Variants in PREB observed in about 807,000 individuals in gnomAD.
The protein encoded by PREB is guanine nucleotide-exchange factor SEC12.
Under a neutral mutation model 46.7 loss-of-function variants are expected in PREB, and 29 were observed. That is an observed-to-expected ratio of 0.62 (90% confidence interval 0.46 to 0.85). PREB has a LOEUF of 0.85. Ranked by LOEUF, PREB falls within the 40% of genes least tolerant of loss-of-function variation. The pLI, the probability that PREB is intolerant of heterozygous loss-of-function variation, is 0.00. For synonymous variants in PREB, 224 were observed against 220.1 expected (o/e 1.02, Z -0.16); for missense variants, 494 against 528.4 (o/e 0.93, Z 0.64).
In PREB at chr2:27,133,346, C is replaced by T; in HGVS notation, c.326-9G>A. The T allele has an allele frequency of 6.2e-7, 1 of 1,613,942 alleles. No individual in the cohort carries two copies. Among genetic ancestry groups the T allele is most frequent in the Admixed American group, 1.7e-5 (1 of 60,026 alleles). On this transcript the variant is annotated splice_polypyrimidine_tract_variant and intron_variant, in intron 2 of 8. Coordinates refer to ENST00000260643, the MANE Select transcript of PREB (RefSeq NM_013388.6). ...CCCCTGCTCCTTGGAACCTGTAACA[C>T]AAACACTTGGCCAGGTTCCAGGCTT... is the stretch of plus-strand genomic sequence containing the variant.
rs538939865 is a variant in PREB at position 27,132,832 on chromosome 2, C to T, written c.627+11G>A. The T allele has an allele frequency of 1.9e-6, 3 of 1,614,034 alleles. No homozygotes were observed. Among genetic ancestry groups the T allele is most frequent in the East Asian group, 2.2e-5 (1 of 44,882 alleles). On this transcript the variant is annotated intron_variant, in intron 4 of 8. Coordinates refer to ENST00000260643, the MANE Select transcript of PREB (RefSeq NM_013388.6). This position sits in a 1 kb window ranked among gnomAD's most constrained non-coding sequence, Gnocchi z 4.0. ...CCTTTCTCCATCCTCCTCCCACCCC[C>T]AGCCCCTCACCTTGCCATCAGGCCC...
Position 27,131,346 on chromosome 2 carries a change from A to T in PREB, c.*68T>A. The T allele has an allele frequency of 7.3e-7, 1 of 1,365,876 alleles. No homozygotes were observed. The highest frequency in any genetic ancestry group is 1.0e-6 in the Non-Finnish European group (1 of 978,606). 84.6% of individuals were successfully genotyped at this position (1,365,876 alleles called of 1,614,324 possible). On this transcript the variant is annotated 3_prime_UTR_variant, in exon 9 of 9. Coordinates refer to ENST00000260643, the MANE Select transcript of PREB (RefSeq NM_013388.6). ...GGACCCGAATGGAGTGAGCAAAGGG[A>T]GTCCAGGCCTCCACTCTGCTCTAGA...
chr2:27,132,718 C>A lies in PREB; in HGVS notation c.637G>T (p.Val213Leu). Residue 213 changes from valine (V) to leucine (L), a missense_variant, in exon 5 of 9, where the codon GTG (valine) becomes TTG (leucine). Physicochemically the swap from Val to Leu is conservative, Grantham distance 32. Transcript: ENST00000260643. This position sits in a 1 kb window ranked among gnomAD's most constrained non-coding sequence, Gnocchi z 4.0. ...ACAGAGGCCTTAAGGTCCCGGCCCACGGTTACCAACTAGTTAGGAATAAAG... is the reference window on the plus strand; with the variant it reads ...ACAGAGGCCTTAAGGTCCCGGCCCAAGGTTACCAACTAGTTAGGAATAAAG... ...ALGPDGKLVT[V>L]GRDLKASVWQ... 1 of 1,614,162 alleles carries A rather than the reference C, an allele frequency of 6.2e-7. No individual in the cohort carries two copies.
chr2:27,131,706 G>A lies in PREB; in HGVS notation c.1125C>T (p.Asp375=), dbSNP rs1341703555. Residue 375 remains aspartate, a synonymous_variant, in exon 8 of 9, where the codon GAC becomes GAT. Coordinates refer to ENST00000260643, the MANE Select transcript of PREB (RefSeq NM_013388.6). ...GCAACAGATGCAGCTGGCAACGACT[G>A]TCCACAGCCACAGAGAACAGGGCAG... ...HETALFSVAV[D]SRCQLHLLPS... The A allele has an allele frequency of 2.5e-6, 4 of 1,614,088 alleles. No individual in the cohort carries two copies. The highest frequency in any genetic ancestry group is 2.7e-5 in the African/African-American group (2 of 74,926).
rs907340984 is a variant in PREB, at chr2:27,130,956, A to G, written c.*458T>C. Reference sequence around the variant, plus strand: ...TCTTCCTTTTGCCCCTTCCTGCCCTAACAGCAAGTACCAGGCCAGTCCCTT... The same window carrying G: ...TCTTCCTTTTGCCCCTTCCTGCCCTGACAGCAAGTACCAGGCCAGTCCCTT... On this transcript the variant is annotated 3_prime_UTR_variant, in exon 9 of 9. Coordinates refer to ENST00000260643, the MANE Select transcript of PREB (RefSeq NM_013388.6). 5 of 613,638 alleles carry G rather than the reference A, an allele frequency of 8.1e-6. No individual in the cohort carries two copies. Among genetic ancestry groups the G allele is most frequent in the Non-Finnish European group, 1.4e-5 (5 of 353,434 alleles). The allele number at this position is 613,638 out of a possible 1,614,324, so 38.0% of individuals were successfully genotyped here.
At chr2:27,133,420 A>G in intron 2 of PREB, 83 bp from the exon 3 acceptor site, 3 of 1,595,610 alleles carry the variant, frequency 1.9e-6, no homozygotes, top group East Asian at 2.2e-5. Flanking sequence ...TGCCCATACA[A>G]CTTCTAGCTT....
chr2:27,134,316 C>T lies in PREB; in HGVS notation c.106G>A (p.Ala36Thr). Residue 36 changes from alanine (A) to threonine (T), a missense_variant, in exon 1 of 9, where the codon GCC becomes ACC. Physicochemically the swap from Ala to Thr is moderately conservative, Grantham distance 58. Transcript: ENST00000260643. ...CCATTCTTTATGCCTGTCTTGGCGG[C>T]GCCTCCTCCGCCCGCAGCGATGAGC... Reference protein sequence around the residue: ...GLLIAAGGGGAAKTGIKNGVH... With the variant: ...GLLIAAGGGGTAKTGIKNGVH... 1 of 1,610,598 alleles carries T rather than the reference C, an allele frequency of 6.2e-7. No individual in the cohort carries two copies. The highest frequency in any genetic ancestry group is 8.5e-7 in the Non-Finnish European group (1 of 1,179,154).
Position 27,133,690 on chromosome 2 carries a change from C to A in PREB, c.167G>T (p.Arg56Leu), listed in dbSNP as rs375671101. The A allele has an allele frequency of 8.7e-6, 14 of 1,613,974 alleles. No homozygotes were observed. The highest frequency in any genetic ancestry group is 1.1e-5 in the Non-Finnish European group (13 of 1,179,976). The change falls in exon 2 of 9, where the codon CGC (arginine) becomes CTC (leucine). Residue 56 changes from arginine to leucine, a missense_variant. Physicochemically the swap from Arg to Leu is moderately radical, Grantham distance 102. Coordinates refer to ENST00000260643, the MANE Select transcript of PREB (RefSeq NM_013388.6). ...GGAGTGCAGCAAGGAGGCACTCAAG[C>A]GCCCATTAATCAGCTCTAGCTGCAG... ...HFLQLELINGRLSASLLHSHD... is the reference protein window; with the variant it reads ...HFLQLELINGLLSASLLHSHD...
In PREB at chr2:27,134,269, G is replaced by A. The variant is rs766868862; in HGVS notation, c.135+18C>T. ...CAGCCCGCAGCAAGACCCAGCCCCA[G>A]TGGCCCTGCGCTCTCACCACGCCAT... is the stretch of plus-strand genomic sequence containing the variant. On this transcript the variant is annotated intron_variant, in intron 1 of 8. Coordinates refer to ENST00000260643, the MANE Select transcript of PREB (RefSeq NM_013388.6). 1.8e-5 allele frequency: 29 copies of A among 1,582,698 alleles called. No individual in the cohort carries two copies. The highest frequency in any genetic ancestry group is 2.3e-5 in the Non-Finnish European group (27 of 1,166,522).
At chr2:27,133,813 C>A in intron 1 of PREB, 92 bp from the exon 2 acceptor site, 3 of 1,303,892 alleles carry the variant, frequency 2.3e-6, no homozygotes, top group Non-Finnish European at 1.1e-6. Flanking sequence ...TTGCTTTCTG[C>A]ACGTTCTAGT....
Position 27,134,489 on chromosome 2 carries a change from C to T in PREB, c.-68G>A, listed in dbSNP as rs1672419968. The T allele has an allele frequency of 7.1e-7, 1 of 1,406,050 alleles. No homozygotes were observed. Among genetic ancestry groups the T allele is most frequent in the Non-Finnish European group, 9.2e-7 (1 of 1,089,826 alleles). The allele number at this position is 1,406,050 out of a possible 1,614,324, so 87.1% of individuals were successfully genotyped here. On this transcript the variant is annotated 5_prime_UTR_variant, in exon 1 of 9. Coordinates refer to ENST00000260643, the MANE Select transcript of PREB (RefSeq NM_013388.6). The stretch of plus-strand genomic sequence containing the variant: ...ACATGCCGCGCCGGGCCTTCGACTA[C>T]TGCCCCGGCGGCTGGTGAACTCGGC...
At position 27,132,584 on chromosome 2, in the gene PREB, CCA is replaced by C; in HGVS notation, c.752+17_752+18del. On this transcript the variant is annotated intron_variant, in intron 5 of 8. Transcript: ENST00000260643. The surrounding 1 kb of genome is among the most constrained non-coding windows in gnomAD (Gnocchi z 4.0). Reference sequence around the variant, plus strand: ...AGCTGGGCTATGCCTCTTTCAGCCACCACCCAAAGTCTTCACACCTGCAGGCC... The same window carrying C: ...AGCTGGGCTATGCCTCTTTCAGCCACCCCAAAGTCTTCACACCTGCAGGCC... The C allele has an allele frequency of 6.2e-7, 1 of 1,613,576 alleles. No homozygotes were observed. The highest frequency in any genetic ancestry group is 1.3e-5 in the African/African-American group (1 of 75,000).
chr2:27,133,854 C>G (rs1672388079), intron 1 of PREB, 133 bp from the exon 2 acceptor site: 1 of 800,724 alleles, frequency 1.2e-6, no homozygotes, highest in Non-Finnish European at 1.9e-6. Context: ...TTTTTTCTCT[C>G]ATTTGGGCCT....
rs780193796 is a variant in PREB at position 27,133,763 on chromosome 2, C to CGA, written c.136-43_136-42insTC. On this transcript the variant is annotated intron_variant, in intron 1 of 8. Coordinates refer to ENST00000260643, the MANE Select transcript of PREB (RefSeq NM_013388.6). ...CCGGATGAGCAAGTTCAGGGGTGCC[C>CGA]AGAGAGCACGTTTAGGGAAGAGTCT... 9.4e-6 allele frequency: 15 copies of CGA among 1,588,340 alleles called. No individual in the cohort carries two copies. In the South Asian group the frequency reaches 1.7e-4, roughly 18 times the overall value.
chr2:27,133,740 G>A lies in PREB; in HGVS notation c.136-19C>T, dbSNP rs778915887. Reference sequence around the variant, plus strand: ...GAAAGTGCTGTGGGAGGGGGAACCCGGATGAGCAAGTTCAGGGGTGCCCAG... The same window carrying A: ...GAAAGTGCTGTGGGAGGGGGAACCCAGATGAGCAAGTTCAGGGGTGCCCAG... On this transcript the variant is annotated intron_variant, in intron 1 of 8. Transcript: ENST00000260643. 1.9e-6 allele frequency: 3 copies of A among 1,611,512 alleles called. No individual in the cohort carries two copies. The highest frequency in any genetic ancestry group is 3.3e-5 in the Admixed American group (2 of 59,878).
In PREB at chr2:27,130,804, C is replaced by A; in HGVS notation, c.*610G>T. 1.3e-6 allele frequency: 2 copies of A among 1,559,824 alleles called. No homozygotes were observed. The highest frequency in any genetic ancestry group is 2.2e-5 in the South Asian group (2 of 88,990). Reference sequence around the variant, plus strand: ...CCTTGTTTATTAAATATCAACTTTTCCTGCCTAATGGGCTGAGGTTCATTT... The same window carrying A: ...CCTTGTTTATTAAATATCAACTTTTACTGCCTAATGGGCTGAGGTTCATTT... On this transcript the variant is annotated 3_prime_UTR_variant, in exon 9 of 9. Transcript: ENST00000260643.
In PREB at chr2:27,132,200, C is replaced by G; in HGVS notation, c.926+30G>C. 1 of 1,613,874 alleles carries G rather than the reference C, an allele frequency of 6.2e-7. No individual in the cohort carries two copies. Among genetic ancestry groups the G allele is most frequent in the African/African-American group, 1.3e-5 (1 of 75,046 alleles). On this transcript the variant is annotated intron_variant, in intron 6 of 8. Coordinates refer to ENST00000260643, the MANE Select transcript of PREB (RefSeq NM_013388.6). This position sits in a 1 kb window ranked among gnomAD's most constrained non-coding sequence, Gnocchi z 4.0. ...CTTTCCAAGCTCCCTCAGGGACCCC[C>G]TACCTAGCCAAGGCAGCAATGTCTC...
chr2:27,133,862 CCT>C, intron 1 of PREB, 141 bp from the exon 2 acceptor site: 7 of 788,674 alleles, frequency 8.9e-6, no homozygotes, highest in African/African-American at 1.7e-5. Flanking sequence ...CTCATTTGGG[CCT>C]CACAAATCTA....
Position 27,131,272 on chromosome 2 carries a change from A to T in PREB, c.*142T>A. ...AGGGCCATAGCCAAGCCTTTTCACT[A>T]GAAGGGCAGGCAGTGCCCATTCATC... On this transcript the variant is annotated 3_prime_UTR_variant, in exon 9 of 9. Transcript: ENST00000260643. 1.3e-6 allele frequency: 1 copy of T among 751,566 alleles called. No individual in the cohort carries two copies. Among genetic ancestry groups the T allele is most frequent in the Non-Finnish European group, 2.2e-6 (1 of 452,422 alleles). The allele number at this position is 751,566 out of a possible 1,614,324, so 46.6% of individuals were successfully genotyped here.
Sources: gnomAD v4.1 joint callset for allele counts on GRCh38, gnomAD v4.1.1 for gene constraint, Gnocchi (gnomAD v3.1) non-coding constraint, MANE v1.5 for transcripts, NCBI Gene and HGNC (gene_info 2026-07-23, HGNC 2026-07-21) for gene names.